Variants in SLC9A9 observed in about 807,000 individuals in gnomAD.
The protein encoded by SLC9A9 is sodium/hydrogen exchanger 9.
Under a neutral mutation model 77.8 loss-of-function variants are expected in SLC9A9, and 62 were observed. The observed-to-expected ratio is 0.80, with a 90% CI of 0.65 to 0.98. The LOEUF (loss-of-function observed/expected upper bound fraction) is 0.98. Among genes scored for constraint, SLC9A9 ranks in the 50% least tolerant of loss-of-function variants. The probability of loss-of-function intolerance (pLI) is 0.00; values close to 1 mark genes in which losing one functional copy is unlikely to be tolerated. For missense variants in SLC9A9, 775 were observed against 774.9 expected (o/e 1.00, Z 0.00); for synonymous variants, 320 against 283.5 (o/e 1.13, Z -1.29).
chr3:143,363,359 G>T, intron 14 of SLC9A9, 125 bp downstream of exon 14: 2 of 844,348 alleles, frequency 2.4e-6, no homozygotes, highest in Non-Finnish European at 3.9e-6. Context: ...TATAAGTTTG[G>T]CTGTGAATTC....
At chr3:143,397,670 T>C (rs2033759961) in intron 12 of SLC9A9, among the ~76,000 whole-genome samples, 1 of 152,126 alleles carries the variant, frequency 6.6e-6, no homozygotes, top group African/African-American at 2.4e-5. Flanking sequence ...AGCTTGCCAT[T>C]AAAGACCATG....
At chr3:143,665,383 G>A (rs2039047383) in intron 5 of SLC9A9, among the ~76,000 whole-genome samples, 1 of 152,104 alleles carries the variant, frequency 6.6e-6, no homozygotes, top group Non-Finnish European at 1.5e-5. Context: ...AGAGAAAGCA[G>A]GAAAGATCTA....
chr3:143,392,549 G>A (rs2033599137), intron 12 of SLC9A9, among the ~76,000 whole-genome samples: 1 of 135,564 alleles, frequency 7.4e-6, no homozygotes, highest in African/African-American at 2.6e-5. Flanking sequence ...CAACTAACAA[G>A]CAAAATAACC....
intron 12 of SLC9A9, among the ~76,000 whole-genome samples, chr3:143,423,195 C>T (rs771280977): frequency 1.4e-5 from 2 of 144,208 alleles, no homozygotes; most frequent in Admixed American, 7.0e-5. Context: ...ATGTAAATCT[C>T]TACTTACCCT....
chr3:143,689,815 G>T (rs1933399596), intron 5 of SLC9A9, among the ~76,000 whole-genome samples: 1 of 152,046 alleles, frequency 6.6e-6, no homozygotes, highest in African/African-American at 2.4e-5. Context: ...TGGAATGTGT[G>T]CATGTTTGTG....
intron 2 of SLC9A9, among the ~76,000 whole-genome samples, chr3:143,828,057 T>C (rs16854424): frequency 0.057 from 8,690 of 152,234 alleles, 751 homozygotes; most frequent in African/African-American, 0.19. Flanking sequence ...TGGGGTATAA[T>C]AATTTACTCA....
intron 6 of SLC9A9, among the ~76,000 whole-genome samples, chr3:143,619,157 G>A (rs1471374163): frequency 6.6e-6 from 1 of 152,168 alleles, no homozygotes; most frequent in Non-Finnish European, 1.5e-5. Context: ...ATGTCCACAA[G>A]GAGTAACTGA....
At chr3:143,833,753 G>A (rs1036845077) in intron 1 of SLC9A9, among the ~76,000 whole-genome samples, 1 of 152,186 alleles carries the variant, frequency 6.6e-6, no homozygotes, top group Non-Finnish European at 1.5e-5. Flanking sequence ...TCTTACCAGT[G>A]GAAGAATGTT....
intron 6 of SLC9A9, among the ~76,000 whole-genome samples, chr3:143,624,508 C>T (rs927981851): frequency 5.3e-5 from 8 of 152,264 alleles, no homozygotes; most frequent in Middle Eastern, 3.4e-3. Flanking sequence ...AAACCAATGA[C>T]AAAAACCATA....
chr3:143,756,096 G>T (rs751396365), intron 4 of SLC9A9, among the ~76,000 whole-genome samples: 25 of 152,170 alleles, frequency 1.6e-4, no homozygotes, highest in Non-Finnish European at 3.2e-4. Context: ...ATTGCCATTT[G>T]TCACCAGTCA....
chr3:143,426,935 G>A (rs2034417728), intron 12 of SLC9A9, among the ~76,000 whole-genome samples: 1 of 152,202 alleles, frequency 6.6e-6, no homozygotes, highest in Non-Finnish European at 1.5e-5. Context: ...GTAAGTGGCA[G>A]AGCTGGGATT....
chr3:143,631,225 C>T (rs1453064275), intron 6 of SLC9A9, among the ~76,000 whole-genome samples: 2 of 152,216 alleles, frequency 1.3e-5, no homozygotes, highest in African/African-American at 4.8e-5. Context: ...CCAAACAAAA[C>T]TTAGTAGGGA....
chr3:143,685,379 T>C (rs771074111), intron 5 of SLC9A9, among the ~76,000 whole-genome samples: 2 of 152,094 alleles, frequency 1.3e-5, no homozygotes, highest in Non-Finnish European at 2.9e-5. Context: ...ATACAGCAAC[T>C]CTAGAATGTG....
chr3:143,463,270 G>A (rs573067688), intron 12 of SLC9A9, among the ~76,000 whole-genome samples: 1 of 152,302 alleles, frequency 6.6e-6, no homozygotes, highest in South Asian at 2.1e-4. Context: ...GCCCGGGGAA[G>A]GTTTGCACTG....
rs544657828 is a variant in SLC9A9 at position 143,577,407 on chromosome 3, G to A, written c.894+1178C>T. Among the ~76,000 whole-genome samples the A allele has an allele frequency of 2.6e-5, 4 of 152,168 alleles. No individual in the cohort carries two copies. In the East Asian group the frequency reaches 7.7e-4, roughly 29 times the overall value. On this transcript the variant is annotated intron_variant, in intron 7 of 15. Coordinates refer to ENST00000316549, the MANE Select transcript of SLC9A9 (RefSeq NM_173653.4). ...CCTTTGCCCCTATTCTATCTTCCAG[G>A]CCATGCCCAAAACCCACTCTGCTTA...
intron 11 of SLC9A9, among the ~76,000 whole-genome samples, chr3:143,473,581 A>G (rs1203717718): frequency 6.6e-6 from 1 of 152,104 alleles, no homozygotes; most frequent in African/African-American, 2.4e-5. Flanking sequence ...TCCCACTCCT[A>G]TGAAGTTTTC....
intron 12 of SLC9A9, among the ~76,000 whole-genome samples, chr3:143,426,990 A>G (rs1473634757): frequency 1.3e-5 from 2 of 152,226 alleles, no homozygotes; most frequent in African/African-American, 4.8e-5. Flanking sequence ...AACAGCCGCT[A>G]CAGTTTACTG....
intron 1 of SLC9A9, among the ~76,000 whole-genome samples, chr3:143,845,369 A>C (rs1207017341): frequency 6.6e-6 from 1 of 152,176 alleles, no homozygotes; most frequent in Non-Finnish European, 1.5e-5. Context: ...GTATCCCATC[A>C]TGTTCCTCTG....
At chr3:143,580,444 G>A (rs1427676933) in intron 6 of SLC9A9, among the ~76,000 whole-genome samples, 3 of 152,004 alleles carry the variant, frequency 2.0e-5, no homozygotes, top group Admixed American at 6.6e-5. Flanking sequence ...TGTTTCCCTG[G>A]CCTGGTGCTT....
Sources: allele counts gnomAD v4.1 joint callset (sites outside exome capture counted in the v4.1 genomes callset), GRCh38; gene constraint gnomAD v4.1.1; transcripts MANE v1.5; gene names NCBI Gene and HGNC (gene_info 2026-07-23, HGNC 2026-07-21).